The following LIMCH1 variants were observed in gnomAD, a reference collection of about 807,000 sequenced individuals.
The protein encoded by LIMCH1 is LIM and calponin homology domains 1.
A neutral mutation model predicts 176.5 loss-of-function variants in LIMCH1; 113 were observed. That is an observed-to-expected ratio of 0.64 (90% CI 0.55 to 0.75). The LOEUF is 0.75. Ranked by LOEUF, LIMCH1 falls within the 30% of genes least tolerant of loss-of-function variation. LIMCH1 has a pLI of 0.00. For synonymous variants in LIMCH1, 619 were observed against 645.9 expected, an observed-to-expected ratio of 0.96 and a Z score of 0.63; for missense variants, 1,674 against 1,814.9, an observed-to-expected ratio of 0.92 and a Z score of 1.41.
intron 1 of LIMCH1, among the ~76,000 whole-genome samples, chr4:41,450,087 T>C (rs1226219263): frequency 6.6e-6 from 1 of 152,322 alleles, no homozygotes; most frequent in East Asian, 1.9e-4. Context: ...GGTCACATTC[T>C]GAAGGTACTG....
At chr4:41,655,465 C>G (rs1320018653) in intron 18 of LIMCH1, among the ~76,000 whole-genome samples, 2 of 152,138 alleles carry the variant, frequency 1.3e-5, no homozygotes, top group Non-Finnish European at 2.9e-5. Flanking sequence ...AAAAGGCAAT[C>G]AGTATGAAGT....
At chr4:41,688,200 C>G (rs1222823687) in intron 29 of LIMCH1, among the ~76,000 whole-genome samples, 4 of 152,204 alleles carry the variant, frequency 2.6e-5, no homozygotes, top group African/African-American at 9.7e-5. Context: ...TAAAATCCAC[C>G]AGACAACCGC....
intron 1 of LIMCH1, among the ~76,000 whole-genome samples, chr4:41,415,426 G>T (rs552136792): frequency 6.6e-6 from 1 of 151,968 alleles, no homozygotes; most frequent in South Asian, 2.1e-4. Flanking sequence ...TCCTTGAAGA[G>T]AAATTTTATG....
chr4:41,514,910 G>A lies in LIMCH1; in HGVS notation c.168-9499G>A, dbSNP rs895102832. 2.1e-4 allele frequency among the ~76,000 whole-genome samples: 32 copies of A among 152,244 alleles called. No homozygotes were observed. In the South Asian group the frequency reaches 6.2e-3, roughly 30 times the overall value. Reference sequence around the variant, plus strand: ...AGTTATTTCCCTATAGAAGCAGTTCGCTTCACAAAGTCTTATGTAACCCAA... The same window carrying A: ...AGTTATTTCCCTATAGAAGCAGTTCACTTCACAAAGTCTTATGTAACCCAA... On this transcript the variant is annotated intron_variant, in intron 2 of 26. Transcript: ENST00000313860.
chr4:41,403,150 G>T (rs1325311597), intron 1 of LIMCH1, among the ~76,000 whole-genome samples: 1 of 151,624 alleles, frequency 6.6e-6, no homozygotes, highest in East Asian at 1.9e-4. Flanking sequence ...ACAGACTAAT[G>T]CTGTAAAAGT....
At chr4:41,613,168 CCTTT>C in intron 4 of LIMCH1, 2 of 1,305,094 alleles carry the variant, frequency 1.5e-6, no homozygotes, top group African/African-American at 1.5e-5. Flanking sequence ...ACTTTGTGAT[CCTTT>C]CTTCTAATTC....
chr4:41,680,959 G>A lies in LIMCH1; in HGVS notation c.3617G>A (p.Arg1206His), dbSNP rs201202263. The A allele has an allele frequency of 8.2e-5, 130 of 1,579,054 alleles. No individual in the cohort carries two copies. The highest frequency in any genetic ancestry group is 2.2e-4 in the African/African-American group (16 of 74,118). The change falls in exon 25 of 32, where the codon CGT becomes CAT. Residue 1206 changes from arginine to histidine, a missense_variant. Arg to His is a conservative substitution (Grantham distance 29, BLOSUM62 0). Transcript: ENST00000503057. ...GATTCCTGTCCTTCCCCTTAGGAGCGTAAGATAATTGAAGACACTGTGGTT... is the reference window on the plus strand; with the variant it reads ...GATTCCTGTCCTTCCCCTTAGGAGCATAAGATAATTGAAGACACTGTGGTT... ...EEERRYYEEE[R>H]KIIEDTVVPF...
intron 18 of LIMCH1, among the ~76,000 whole-genome samples, chr4:41,658,495 TAC>T (rs1410085292): frequency 6.6e-6 from 1 of 152,332 alleles, no homozygotes; most frequent in East Asian, 1.9e-4. Flanking sequence ...GGTATGCTGG[TAC>T]AATAAGCCTT....
intron 3 of LIMCH1, among the ~76,000 whole-genome samples, chr4:41,527,003 A>G (rs1043760965): frequency 6.6e-6 from 1 of 152,222 alleles, no homozygotes; most frequent in Non-Finnish European, 1.5e-5. Context: ...TATTCATTGA[A>G]TACTTTCCTC....
At chr4:41,603,836 C>T (rs1177767034) in intron 2 of LIMCH1, 39 bp from the exon 3 acceptor site, 3 of 1,480,788 alleles carry the variant, frequency 2.0e-6, no homozygotes, top group Non-Finnish European at 2.8e-6. Flanking sequence ...TTAGAATCTG[C>T]TATTCTGACA....
chr4:41,587,047 T>C (rs1439249026), intron 1 of LIMCH1, among the ~76,000 whole-genome samples: 4 of 152,234 alleles, frequency 2.6e-5, no homozygotes, highest in Non-Finnish European at 4.4e-5. Flanking sequence ...TGGTTCTCTT[T>C]GGCATCAAGA....
intron 2 of LIMCH1, among the ~76,000 whole-genome samples, chr4:41,508,313 A>C (rs2074424516): frequency 6.6e-6 from 1 of 152,222 alleles, no homozygotes; most frequent in African/African-American, 2.4e-5. Flanking sequence ...AAGAAAAGAC[A>C]AAAAATAATT....
At position 41,646,225 on chromosome 4, in the gene LIMCH1, G is replaced by A. The variant is rs1221943075; in HGVS notation, c.2356G>A (p.Gly786Arg). The A allele has an allele frequency of 1.2e-6, 2 of 1,613,762 alleles. No individual in the cohort carries two copies. The highest frequency in any genetic ancestry group is 1.3e-5 in the African/African-American group (1 of 75,036). The change falls in exon 16 of 32, where the codon GGG (glycine) becomes AGG (arginine). Residue 786 changes from glycine to arginine, a missense_variant. Physicochemically the swap from Gly to Arg is moderately radical, Grantham distance 125. Around this residue, in one of 3 missense-constraint regions of LIMCH1, gnomAD observed 1,015 missense variants for 1,102.5 expected, o/e 0.92. Coordinates refer to ENST00000503057, the MANE Select transcript of LIMCH1 (RefSeq NM_001330672.2). ...GGAGAAGTTACTGGCTGGAGAAGAT[G>A]GGACAAGTGAACGAAGGAAAAGCAT... Reference protein sequence around the residue: ...KMEKLLAGEDGTSERRKSIKT... With the variant: ...KMEKLLAGEDRTSERRKSIKT...
intron 1 of LIMCH1, chr4:41,494,527 T>G (rs200768796): frequency 1.2e-6 from 2 of 1,609,864 alleles, no homozygotes; most frequent in African/African-American, 2.7e-5. Flanking sequence ...TTTCTTTTCT[T>G]TTTTGCAGCA....
intron 1 of LIMCH1, among the ~76,000 whole-genome samples, chr4:41,468,410 CTTCCTTCT>C (rs1179676762): frequency 6.5e-5 from 9 of 138,274 alleles, no homozygotes; most frequent in South Asian, 2.7e-4. Context: ...CCCTTCCTTC[CTTCCTTCT>C]TTCCTTCTTT....
chr4:41,622,515 G>T (rs2092657912), intron 7 of LIMCH1, among the ~76,000 whole-genome samples: 1 of 152,142 alleles, frequency 6.6e-6, no homozygotes, highest in Non-Finnish European at 1.5e-5. Flanking sequence ...AGCAAAGGGG[G>T]ATGAAGGGGA....
intron 3 of LIMCH1, among the ~76,000 whole-genome samples, chr4:41,525,091 C>T (rs770394840): frequency 1.6e-4 from 24 of 152,072 alleles, no homozygotes; most frequent in Admixed American, 2.0e-4. Context: ...TTTTTTCATG[C>T]GTTGATATGT....
At chr4:41,501,066 C>T (rs1434445850) in intron 2 of LIMCH1, among the ~76,000 whole-genome samples, 2 of 152,088 alleles carry the variant, frequency 1.3e-5, no homozygotes, top group African/African-American at 2.4e-5. Flanking sequence ...CATGGGGGCT[C>T]CGGGTGAGGT....
intron 2 of LIMCH1, among the ~76,000 whole-genome samples, chr4:41,497,420 C>G (rs1006515989): frequency 6.6e-6 from 1 of 152,072 alleles, no homozygotes; most frequent in African/African-American, 2.4e-5. Context: ...TAGCTGTGGT[C>G]TCTAAGGAAT....
Sources: gnomAD v4.1 joint callset for allele counts (sites outside exome capture counted in the v4.1 genomes callset) on GRCh38, gnomAD v4.1.1 for gene constraint, gnomAD v4.1.1 regional missense constraint, MANE v1.5 for transcripts, NCBI Gene and HGNC (gene_info 2026-07-23, HGNC 2026-07-21) for gene names.